The following ZNF274 variants were observed in gnomAD, a reference collection of about 807,000 sequenced individuals.
ZNF274 encodes the protein neurotrophin receptor-interacting factor homolog.
Under a neutral mutation model 42.5 loss-of-function variants are expected in ZNF274, and 23 were observed. The ratio of observed to expected loss-of-function variants is 0.54; its 90% CI spans 0.39 to 0.77. The LOEUF (loss-of-function observed/expected upper bound fraction) is 0.77, where lower values mean the gene tolerates loss of function less well. ZNF274 is among the 30% of genes least tolerant of loss of function. The probability of loss-of-function intolerance (pLI) is 0.00; values close to 1 mark genes in which losing one functional copy is unlikely to be tolerated. For missense variants in ZNF274, 679 were observed against 806.5 expected (o/e 0.84, Z 1.91); for synonymous variants, 292 against 305.4 (o/e 0.96, Z 0.46).
At chr19:58,200,166 A>G (rs904781789) in intron 4 of ZNF274, among the ~76,000 whole-genome samples, 1 of 152,226 alleles carries the variant, frequency 6.6e-6, no homozygotes, top group East Asian at 1.9e-4. Context: ...GATCACAGTG[A>G]TGAGTGGGGC....
Position 58,207,333 on chromosome 19 carries a change from C to T in ZNF274, c.739+131C>T. The T allele has an allele frequency of 3.6e-6, 5 of 1,373,544 alleles. No individual in the cohort carries two copies. The highest frequency in any genetic ancestry group is 1.5e-5 in the South Asian group (1 of 65,244). The allele number at this position is 1,373,544 out of a possible 1,614,324, so 85.1% of individuals were successfully genotyped here. On this transcript the variant is annotated intron_variant, in intron 5 of 7. Transcript: ENST00000617501. This position sits in a 1 kb window ranked among gnomAD's most constrained non-coding sequence, Gnocchi z 5.6. ...GTGTCCGCTCCATACAGACCAAGGA[C>T]ATCCATGTTGCCCACGTGTTCCTGA...
rs1319483477 is a variant in ZNF274 at position 58,213,166 on chromosome 19, C to T, written c.*23C>T. 6.3e-7 allele frequency: 1 copy of T among 1,582,940 alleles called. No homozygotes were observed. The highest frequency in any genetic ancestry group is 8.6e-7 in the Non-Finnish European group (1 of 1,164,480). On this transcript the variant is annotated 3_prime_UTR_variant, in exon 8 of 8. Coordinates refer to ENST00000617501, the MANE Select transcript of ZNF274 (RefSeq NM_133502.3). ...TAGCTCTCAAGCCAGTTGAAGAAAC[C>T]TTGCCTTTTCAGCTTGACCCTGCAA...
intron 4 of ZNF274, among the ~76,000 whole-genome samples, chr19:58,202,778 A>G (rs545745993): frequency 5.9e-5 from 9 of 152,302 alleles, no homozygotes; most frequent in East Asian, 3.9e-4. Context: ...GGGATAGTCT[A>G]TGGGTTGACA....
chr19:58,191,820 C>G (rs1355155563), intron 4 of ZNF274, among the ~76,000 whole-genome samples: 1 of 152,240 alleles, frequency 6.6e-6, no homozygotes, highest in Non-Finnish European at 1.5e-5. Flanking sequence ...TTCCACCTCA[C>G]AGATACTTAT....
intron 4 of ZNF274, among the ~76,000 whole-genome samples, chr19:58,190,830 C>T (rs898045016): frequency 2.6e-5 from 4 of 152,140 alleles, no homozygotes; most frequent in Admixed American, 6.5e-5. Context: ...CCACTTCTGG[C>T]AGTATTGAGC....
At chr19:58,186,608 T>G (rs118122480) in intron 3 of ZNF274, among the ~76,000 whole-genome samples, 2,595 of 151,778 alleles carry the variant, frequency 0.017, 27 homozygotes, top group Non-Finnish European at 0.026. Context: ...CCCTAGTCAT[T>G]GCACAGCTGT....
chr19:58,185,132 AAAG>A (rs1359713303), intron 2 of ZNF274, among the ~76,000 whole-genome samples: 3 of 134,176 alleles, frequency 2.2e-5, no homozygotes, highest in Non-Finnish European at 3.2e-5. Context: ...AAAAAAAAGA[AAAG>A]AAAAATAGGG....
At chr19:58,184,904 T>G (rs1449311571) in intron 2 of ZNF274, 1 of 150,182 alleles carries the variant, frequency 6.7e-6, no homozygotes, top group Non-Finnish European at 1.5e-5. Flanking sequence ...GATCACGAGG[T>G]CAGGAGATTG....
intron 3 of ZNF274, among the ~76,000 whole-genome samples, chr19:58,186,566 A>C (rs569728598): frequency 1.3e-5 from 2 of 148,374 alleles, no homozygotes; most frequent in African/African-American, 2.5e-5. Context: ...TGTCCCTTCA[A>C]ACTCTGGTTA....
intron 2 of ZNF274, 62 bp from the exon 3 acceptor site, chr19:58,185,650 C>G: frequency 7.2e-7 from 1 of 1,379,500 alleles, no homozygotes; most frequent in Non-Finnish European, 9.5e-7. Context: ...GTCAGCCTCC[C>G]CTGTCTTTCT....
In ZNF274 at chr19:58,207,175, G is replaced by A. The variant is rs1390348762; in HGVS notation, c.712G>A (p.Gly238Ser). The A allele has an allele frequency of 1.2e-6, 2 of 1,612,686 alleles. No individual in the cohort carries two copies. Among genetic ancestry groups the A allele is most frequent in the East Asian group, 4.5e-5 (2 of 44,874 alleles). ...NCQEVVALVE[G>S]VTWMSEEEVL... ...CCAAGAGGTGGTGGCCCTGGTAGAG[G>A]GTGTGACCTGGATGTCTGAGGAGGA... The change falls in exon 5 of 8, where the codon GGT (glycine) becomes AGT (serine). Residue 238 changes from glycine (G) to serine (S), a missense_variant. Physicochemically the swap from Gly to Ser is moderately conservative, Grantham distance 56. Transcript: ENST00000617501. This position sits in a 1 kb window ranked among gnomAD's most constrained non-coding sequence, Gnocchi z 5.6.
Position 58,212,425 on chromosome 19 carries a change from A to AC in ZNF274, c.1246dup (p.Gln416ProfsTer8). Reference sequence around the variant, plus strand: ...GCAAACAGTGGTGCTCTTGACACAAACCAAGTTTCGCTCCAGAAAATTGAC... The same window carrying AC: ...GCAAACAGTGGTGCTCTTGACACAAACCCAAGTTTCGCTCCAGAAAATTGAC... On this transcript the variant is annotated frameshift_variant, in exon 8 of 8. Transcript: ENST00000617501. LOFTEE classifies it low-confidence loss of function (END_TRUNC). The surrounding 1 kb of genome is among the most constrained non-coding windows in gnomAD (Gnocchi z 4.6). 6.2e-7 allele frequency: 1 copy of AC among 1,612,902 alleles called. No homozygotes were observed. Among genetic ancestry groups the AC allele is most frequent in the Non-Finnish European group, 8.5e-7 (1 of 1,179,326 alleles).
At chr19:58,201,223 G>A (rs1260953550) in intron 4 of ZNF274, among the ~76,000 whole-genome samples, 1 of 147,818 alleles carries the variant, frequency 6.8e-6, no homozygotes, top group Non-Finnish European at 1.5e-5. Context: ...TGTTGCCCAG[G>A]CCGGTCTAGA....
intron 4 of ZNF274, among the ~76,000 whole-genome samples, chr19:58,199,630 T>G (rs2075886096): frequency 6.6e-6 from 1 of 152,220 alleles, no homozygotes; most frequent in Non-Finnish European, 1.5e-5. Flanking sequence ...TGAGAATTGC[T>G]TGAACTCAGG....
intron 4 of ZNF274, among the ~76,000 whole-genome samples, chr19:58,191,987 G>C (rs553627394): frequency 7.7e-4 from 117 of 152,248 alleles, no homozygotes; most frequent in African/African-American, 2.7e-3. Flanking sequence ...GTACTGAGAA[G>C]GAAAAAAGCC....
chr19:58,197,188 C>T (rs1230063716), intron 4 of ZNF274, among the ~76,000 whole-genome samples: 2 of 152,178 alleles, frequency 1.3e-5, no homozygotes, highest in Admixed American at 1.3e-4. Flanking sequence ...TGGCAAGGAT[C>T]CCTCTCTGAA....
chr19:58,195,829 G>T (rs1307225420), intron 4 of ZNF274, among the ~76,000 whole-genome samples: 3 of 152,122 alleles, frequency 2.0e-5, no homozygotes. Context: ...TTACAATAGG[G>T]TTCATGCTCC....
intron 4 of ZNF274, chr19:58,202,346 G>C (rs2075923183): frequency 6.6e-6 from 1 of 152,294 alleles, no homozygotes. Flanking sequence ...TCAAGAGGGA[G>C]AAAGCAGCAG....
chr19:58,209,802 A>C, intron 5 of ZNF274, 159 bp from the exon 6 acceptor site: 1 of 570,754 alleles, frequency 1.8e-6, no homozygotes, highest in Non-Finnish European at 3.1e-6. Context: ...CTGTGAGGGG[A>C]GCAGAGCTGG....
Sources: allele counts gnomAD v4.1 joint callset (sites outside exome capture counted in the v4.1 genomes callset), GRCh38; gene constraint gnomAD v4.1.1; non-coding constraint Gnocchi (gnomAD v3.1); transcripts MANE v1.5; gene names NCBI Gene and HGNC (gene_info 2026-07-23, HGNC 2026-07-21).